The following UBXN7 variants were observed in gnomAD, a reference collection of about 807,000 sequenced individuals.
UBXN7 encodes UBX domain-containing protein 7.
Under a neutral mutation model 58.0 loss-of-function variants are expected in UBXN7, and 9 were observed. That is an observed-to-expected ratio of 0.16 (90% CI 0.09 to 0.27). The LOEUF (loss-of-function observed/expected upper bound fraction) is 0.27. Among genes scored for constraint, UBXN7 ranks in the 10% least tolerant of loss-of-function variants. The pLI is 1.00. For synonymous variants in UBXN7, 208 were observed against 205.0 expected, an observed-to-expected ratio of 1.01 and a Z score of -0.12; for missense variants, 328 against 599.6, an observed-to-expected ratio of 0.55 and a Z score of 4.73.
At chr3:196,422,064 G>A (rs62409225) in intron 1 of UBXN7, among the ~76,000 whole-genome samples, 1,729 of 152,120 alleles carry the variant, frequency 0.011, 23 homozygotes, top group Non-Finnish European at 0.015. Flanking sequence ...TCCAGGCAAG[G>A]TGGTGCACGC....
rs116319598 is a variant in UBXN7, at chr3:196,375,939, G to C, written c.469-3897C>G. ...ATCTACTTGGGTAGCTGAGGTACAA[G>C]TATTGCTTGAATCTGGGAGGCAGAG... On this transcript the variant is annotated intron_variant, in intron 5 of 10. Coordinates refer to ENST00000296328, the MANE Select transcript of UBXN7 (RefSeq NM_015562.2). Among the ~76,000 whole-genome samples the C allele has an allele frequency of 7.4e-3, 1,125 of 152,302 alleles. 17 individuals are homozygous for C. Among genetic ancestry groups the C allele is most frequent in the African/African-American group, 0.025 (1,054 of 41,564 alleles).
At chr3:196,401,295 A>ATATATATATG (rs1729966724) in intron 3 of UBXN7, among the ~76,000 whole-genome samples, 8 of 102,084 alleles carry the variant, frequency 7.8e-5, no homozygotes, top group African/African-American at 3.1e-4. Context: ...ATATATATAT[A>ATATATATATG]TATACACACA....
Position 196,356,638 on chromosome 3 carries a change from AG to A in UBXN7, c.*46del. The A allele has an allele frequency of 1.9e-6, 3 of 1,547,402 alleles. No homozygotes were observed. The highest frequency in any genetic ancestry group is 4.7e-5 in the East Asian group (2 of 42,788). On this transcript the variant is annotated 3_prime_UTR_variant, in exon 11 of 11. Coordinates refer to ENST00000296328, the MANE Select transcript of UBXN7 (RefSeq NM_015562.2). ...GCATACTTAGTGACATGTATCTCAC[AG>A]GAAAAGGGAAAAAAGGGGTAAGCTG...
Position 196,432,392 on chromosome 3 carries a change from G to C in UBXN7, c.8C>G (p.Ala3Gly), listed in dbSNP as rs1577488683. Residue 3 changes from alanine (A) to glycine (G), a missense_variant, in exon 1 of 11, where the codon GCC becomes GGC. By Grantham distance (60) the Ala-to-Gly change is moderately conservative. Coordinates refer to ENST00000296328, the MANE Select transcript of UBXN7 (RefSeq NM_015562.2). ...CGAGGACGCCGCGGAGCCCCCGTGG[G>C]CAGCCATCTTACCGCCGCCGCCGCC... MA[A>G]HGGSAASSAL... 1 of 1,593,432 alleles carries C rather than the reference G, an allele frequency of 6.3e-7. No individual in the cohort carries two copies. The highest frequency in any genetic ancestry group is 8.6e-7 in the Non-Finnish European group (1 of 1,166,260).
At chr3:196,381,475 A>G (rs139136382) in intron 5 of UBXN7, among the ~76,000 whole-genome samples, 3,762 of 152,302 alleles carry the variant, frequency 0.025, 147 homozygotes, top group African/African-American at 0.086. Context: ...CCAAAATCCC[A>G]TCTGTAGGTC....
chr3:196,413,725 G>GC (rs1003797533), intron 1 of UBXN7, among the ~76,000 whole-genome samples: 1 of 151,962 alleles, frequency 6.6e-6, no homozygotes, highest in Non-Finnish European at 1.5e-5. Flanking sequence ...ACACCTCATG[G>GC]CCCCCTTTGA....
At chr3:196,375,040 A>AAGGAAGGAAGGG (rs1356697769) in intron 5 of UBXN7, among the ~76,000 whole-genome samples, 1,747 of 134,172 alleles carry the variant, frequency 0.013, 102 homozygotes, top group Non-Finnish European at 0.019. Flanking sequence ...GGAAGGAAGG[A>AAGGAAGGAAGGG]AGGGAAAGGA....
chr3:196,401,397 CAACTA>C (rs966286132), intron 3 of UBXN7, among the ~76,000 whole-genome samples: 54 of 148,218 alleles, frequency 3.6e-4, no homozygotes, highest in African/African-American at 1.2e-3. Context: ...TAAAAACTCT[CAACTA>C]AAGTACTTTA....
Position 196,362,631 on chromosome 3 carries a change from G to A in UBXN7, c.891C>T (p.Ser297=). 1.9e-6 allele frequency: 3 copies of A among 1,613,532 alleles called. No homozygotes were observed. Among genetic ancestry groups the A allele is most frequent in the Non-Finnish European group, 2.5e-6 (3 of 1,179,450 alleles). ...TTGAATCAAAATGTGTTTCTTGTAA[G>A]GAGGCTCTGATGGCAGCTTCTAGCT... ...DSQLEAAIRA[S]LQETHFDSTQ... Residue 297 remains serine, a synonymous_variant, in exon 9 of 11, where the codon TCC becomes TCT. Transcript: ENST00000296328.
chr3:196,361,921 G>T lies in UBXN7; in HGVS notation c.1231C>A (p.Pro411Thr). ...GVVEGIDVNG[P>T]KAQLMLRYPD... ...TACCGCAACATCAGCTGTGCTTTTG[G>T]TCCTAAAGGAAGGGTTTAAAAAAAA... Residue 411 changes from proline to threonine, a missense_variant and splice_region_variant, in exon 10 of 11, where the codon CCA (proline) becomes ACA (threonine). By Grantham distance (38) the Pro-to-Thr change is conservative. Around this residue, in one of 4 missense-constraint regions of UBXN7, gnomAD observed 30 missense variants for 94.8 expected, o/e 0.32. Coordinates refer to ENST00000296328, the MANE Select transcript of UBXN7 (RefSeq NM_015562.2). The T allele has an allele frequency of 5.0e-6, 8 of 1,610,598 alleles. No homozygotes were observed. Among genetic ancestry groups the T allele is most frequent in the Non-Finnish European group, 6.8e-6 (8 of 1,178,958 alleles).
chr3:196,410,035 G>T lies in UBXN7; in HGVS notation c.74-2642C>A, dbSNP rs372612534. Among the ~76,000 whole-genome samples the T allele has an allele frequency of 1.6e-4, 25 of 151,738 alleles. 1 individual carries two copies. Among genetic ancestry groups the T allele is most frequent in the Admixed American group, 1.3e-3 (20 of 15,212 alleles). On this transcript the variant is annotated intron_variant, in intron 1 of 10. Transcript: ENST00000296328. ...GGCTCACTACAACCTCCACTTCAGG[G>T]TTCAAGCGATTCTCCTGTCTCAGCC...
At chr3:196,379,420 C>T (rs1729128562) in intron 5 of UBXN7, among the ~76,000 whole-genome samples, 1 of 152,190 alleles carries the variant, frequency 6.6e-6, no homozygotes, top group African/African-American at 2.4e-5. Context: ...CACTAGGTCT[C>T]AGCCTTATTT....
chr3:196,432,203 A>C (rs747178440), intron 1 of UBXN7, 124 bp downstream of exon 1: 27 of 1,354,808 alleles, frequency 2.0e-5, no homozygotes, highest in Non-Finnish European at 4.1e-6. Flanking sequence ...CTTCCTCAGG[A>C]GGGAGGACGG....
chr3:196,369,552 G>T, intron 6 of UBXN7, 41 bp from the exon 7 acceptor site: 1 of 1,482,672 alleles, frequency 6.7e-7, no homozygotes, highest in Non-Finnish European at 9.3e-7. Context: ...CAGCCTCTAA[G>T]AAAAGAACCA....
intron 1 of UBXN7, among the ~76,000 whole-genome samples, chr3:196,417,217 G>A (rs1409195261): frequency 3.3e-5 from 5 of 152,130 alleles, no homozygotes; most frequent in Non-Finnish European, 4.4e-5. Context: ...GGAGGCTGAG[G>A]CAGGAGAATG....
chr3:196,411,371 T>A (rs1315765286), intron 1 of UBXN7, among the ~76,000 whole-genome samples: 1 of 152,272 alleles, frequency 6.6e-6, no homozygotes, highest in Non-Finnish European at 1.5e-5. Context: ...TATAACAATT[T>A]AATTTTGCAC....
intron 7 of UBXN7, among the ~76,000 whole-genome samples, chr3:196,369,007 G>A (rs1435138423): frequency 2.0e-5 from 3 of 152,060 alleles, no homozygotes; most frequent in Non-Finnish European, 4.4e-5. Context: ...TGTATTTTTA[G>A]TAGAGATGGG....
intron 6 of UBXN7, among the ~76,000 whole-genome samples, chr3:196,370,040 G>C (rs1472105981): frequency 6.7e-6 from 1 of 149,930 alleles, no homozygotes; most frequent in African/African-American, 2.5e-5. Flanking sequence ...TGAAGCAGGG[G>C]AATCGCTTGA....
In UBXN7 at chr3:196,399,149, G is replaced by T. The variant is rs1291373042; in HGVS notation, c.289+3803C>A. On this transcript the variant is annotated intron_variant, in intron 3 of 10. Coordinates refer to ENST00000296328, the MANE Select transcript of UBXN7 (RefSeq NM_015562.2). ...AATCACACAAGTGCTTTTCCTTAAG[G>T]TAATCATAGTACTTCATTATGCCAA... 6.6e-5 allele frequency among the ~76,000 whole-genome samples: 10 copies of T among 152,186 alleles called. No homozygotes were observed. In the East Asian group the frequency reaches 1.9e-3, roughly 29 times the overall value.
Sources: gnomAD v4.1 joint callset for allele counts (sites outside exome capture counted in the v4.1 genomes callset) on GRCh38, gnomAD v4.1.1 for gene constraint, gnomAD v4.1.1 regional missense constraint, MANE v1.5 for transcripts, NCBI Gene and HGNC (gene_info 2026-07-23, HGNC 2026-07-21) for gene names.